Variants in NR2C2 observed in about 807,000 individuals in gnomAD.
NR2C2 encodes nuclear receptor subfamily 2 group C member 2, also known as Nuclear hormone receptor TR4.
A neutral mutation model predicts 62.9 loss-of-function variants in NR2C2; 6 were observed. The observed-to-expected ratio is 0.10, with a 90% CI of 0.05 to 0.19. The LOEUF (loss-of-function observed/expected upper bound fraction) is 0.19. Ranked by LOEUF, NR2C2 falls within the 10% of genes least tolerant of loss-of-function variation. The pLI, the probability that NR2C2 is intolerant of heterozygous loss-of-function variation, is 1.00. For missense variants in NR2C2, 479 were observed against 762.7 expected (o/e 0.63, Z 4.38); for synonymous variants, 272 against 273.8 (o/e 0.99, Z 0.07).
chr3:14,948,478 C>T (rs982189297), intron 1 of NR2C2: 1 of 152,144 alleles, frequency 6.6e-6, no homozygotes, highest in South Asian at 2.0e-4. Flanking sequence ...TGTGGCACCG[C>T]CCCCCTAAGC....
intron 1 of NR2C2, among the ~76,000 whole-genome samples, chr3:14,989,475 A>AG (rs1459906232): frequency 1.3e-5 from 2 of 152,212 alleles, no homozygotes; most frequent in Admixed American, 1.3e-4. Context: ...TAAGTGAAAG[A>AG]GGAACTTGTA....
chr3:15,012,291 A>G (rs982760004), intron 2 of NR2C2, among the ~76,000 whole-genome samples: 1 of 151,818 alleles, frequency 6.6e-6, no homozygotes, highest in African/African-American at 2.4e-5. Context: ...CAGTGGCGCA[A>G]TCTCAGCTCA....
At chr3:15,000,909 G>C (rs1019069167) in intron 1 of NR2C2, among the ~76,000 whole-genome samples, 7 of 150,844 alleles carry the variant, frequency 4.6e-5, no homozygotes, top group African/African-American at 1.5e-4. Context: ...CTGCCTCCCG[G>C]ATTCACACCA....
At chr3:15,038,844 C>G (rs1214905206) in intron 12 of NR2C2, 1 of 330,344 alleles carries the variant, frequency 3.0e-6, no homozygotes, top group African/African-American at 2.2e-5. Context: ...TATGTGTTTT[C>G]TAGGGTAGTA....
chr3:15,030,371 C>A lies in NR2C2; in HGVS notation c.1029C>A (p.Ile343=), dbSNP rs2041947992. The change falls in exon 9 of 14, where the codon ATC becomes ATA. Residue 343 remains isoleucine (I), a synonymous_variant. Coordinates refer to ENST00000425241, the MANE Select transcript of NR2C2 (RefSeq NM_001291694.2). ...DGIDTSGGGS[I]HVISRDQSTP... Reference sequence around the variant, plus strand: ...TAGACACCAGTGGAGGAGGGAGCATCCACGTCATCAGCAGAGACCAGTCGA... The same window carrying A: ...TAGACACCAGTGGAGGAGGGAGCATACACGTCATCAGCAGAGACCAGTCGA... 12 of 1,613,640 alleles carry A rather than the reference C, an allele frequency of 7.4e-6. No homozygotes were observed. The East Asian group carries it at 2.7e-4, about 36-fold the overall frequency.
In NR2C2 at chr3:14,972,303, T is replaced by C. The variant is rs556005914; in HGVS notation, c.-40+24397T>C. On this transcript the variant is annotated intron_variant, in intron 1 of 13. Coordinates refer to ENST00000425241, the MANE Select transcript of NR2C2 (RefSeq NM_001291694.2). ...GATTCCCATGTCTCAGCCACCTGAA[T>C]AGCTGGGATTACAGGCGCACACCAC... Among the ~76,000 whole-genome samples, 5 of 151,854 alleles carry C rather than the reference T, an allele frequency of 3.3e-5. 1 individual carries two copies. Among genetic ancestry groups the C allele is most frequent in the Admixed American group, 2.0e-4 (3 of 15,218 alleles).
intron 1 of NR2C2, among the ~76,000 whole-genome samples, chr3:14,958,384 G>T (rs186738485): frequency 6.6e-6 from 1 of 151,652 alleles, no homozygotes; most frequent in East Asian, 1.9e-4. Context: ...ACTTCTTTTG[G>T]CAGCTAATCA....
At chr3:14,948,283 T>G (rs1466110348) in intron 1 of NR2C2, 1 of 152,512 alleles carries the variant, frequency 6.6e-6, no homozygotes, top group African/African-American at 2.4e-5. Flanking sequence ...CTGCAGTCCC[T>G]TCTTCCTTCT....
intron 4 of NR2C2, among the ~76,000 whole-genome samples, chr3:15,017,851 A>G (rs781596803): frequency 2.9e-4 from 44 of 152,230 alleles, no homozygotes; most frequent in Admixed American, 5.2e-4. Context: ...ATCCTGTGAA[A>G]TGTATCCTCC....
intron 5 of NR2C2, among the ~76,000 whole-genome samples, chr3:15,022,401 T>TC (rs199771287): frequency 6.6e-5 from 8 of 121,462 alleles, no homozygotes; most frequent in East Asian, 4.1e-4. Flanking sequence ...TTTCTTTCTT[T>TC]TTTTTTTTTT....
At chr3:14,984,904 G>T (rs1259016913) in intron 1 of NR2C2, among the ~76,000 whole-genome samples, 1 of 151,968 alleles carries the variant, frequency 6.6e-6, no homozygotes, top group African/African-American at 2.4e-5. Context: ...TGCTTGCAGT[G>T]CAGGAGAGTT....
At chr3:14,960,234 A>G (rs536635850) in intron 1 of NR2C2, among the ~76,000 whole-genome samples, 1 of 152,356 alleles carries the variant, frequency 6.6e-6, no homozygotes, top group East Asian at 1.9e-4. Flanking sequence ...AAGACACCTT[A>G]AAGAAAGTAA....
At chr3:15,019,478 C>CA (rs112861574) in intron 4 of NR2C2, among the ~76,000 whole-genome samples, 2 of 152,180 alleles carry the variant, frequency 1.3e-5, no homozygotes, top group African/African-American at 4.8e-5. Flanking sequence ...CCCACGCTTA[C>CA]TGCATGACTA....
At chr3:15,006,569 G>A (rs1231005817) in intron 2 of NR2C2, among the ~76,000 whole-genome samples, 2 of 152,106 alleles carry the variant, frequency 1.3e-5, no homozygotes, top group Non-Finnish European at 2.9e-5. Context: ...CCCTTGAAGG[G>A]ATTCTCATTG....
intron 1 of NR2C2, among the ~76,000 whole-genome samples, chr3:14,979,399 G>A (rs1297967924): frequency 2.6e-5 from 4 of 152,166 alleles, no homozygotes; most frequent in African/African-American, 9.7e-5. Context: ...CATTGTTATA[G>A]TTTTCAAGAT....
chr3:15,005,518 AC>A (rs1445806158), intron 2 of NR2C2, among the ~76,000 whole-genome samples: 2 of 105,248 alleles, frequency 1.9e-5, no homozygotes, highest in African/African-American at 4.5e-5. Flanking sequence ...TGCGTGGCCA[AC>A]TTTTTTTTTT....
At chr3:14,975,194 C>T (rs2040169872) in intron 1 of NR2C2, among the ~76,000 whole-genome samples, 1 of 152,142 alleles carries the variant, frequency 6.6e-6, no homozygotes, top group Admixed American at 6.5e-5. Flanking sequence ...TTACTTCTTT[C>T]TTTCCTCTAT....
At chr3:15,014,615 G>A (rs1170878132) in intron 3 of NR2C2, among the ~76,000 whole-genome samples, 2 of 151,952 alleles carry the variant, frequency 1.3e-5, no homozygotes, top group African/African-American at 2.4e-5. Context: ...CTCTTCCTAA[G>A]CTGAAACTCT....
chr3:14,981,725 G>A (rs1204506915), intron 1 of NR2C2, among the ~76,000 whole-genome samples: 1 of 152,130 alleles, frequency 6.6e-6, no homozygotes, highest in Non-Finnish European at 1.5e-5. Context: ...CAAAAGTAGG[G>A]AGGCCAACAG....
Sources: gnomAD v4.1 joint callset for allele counts (sites outside exome capture counted in the v4.1 genomes callset) on GRCh38, gnomAD v4.1.1 for gene constraint, MANE v1.5 for transcripts, NCBI Gene and HGNC (gene_info 2026-07-23, HGNC 2026-07-21) for gene names.